Variants in IQSEC3 observed in about 807,000 individuals in gnomAD.
IQSEC3 encodes IQ motif and SEC7 domain-containing protein 3.
In IQSEC3, 50 loss-of-function variants were observed where a neutral mutation model predicts 105.4. The observed-to-expected ratio is 0.47, with a 90% CI of 0.38 to 0.60. The LOEUF (loss-of-function observed/expected upper bound fraction) is 0.60, where lower values mean the gene tolerates loss of function less well. Ranked by LOEUF, IQSEC3 falls within the 20% of genes least tolerant of loss-of-function variation. IQSEC3 has a pLI of 0.00. For missense variants in IQSEC3, 1,415 were observed against 1,630.0 expected, an observed-to-expected ratio of 0.87 and a Z score of 2.27; for synonymous variants, 708 against 746.0, an observed-to-expected ratio of 0.95 and a Z score of 0.83.
At chr12:107,691 T>C (rs547763405) in intron 2 of IQSEC3, among the ~76,000 whole-genome samples, 9 of 152,070 alleles carry the variant, frequency 5.9e-5, no homozygotes, top group Admixed American at 1.3e-4. Flanking sequence ...ATTACAGGCG[T>C]GAGCCACCGC....
intron 1 of IQSEC3, among the ~76,000 whole-genome samples, chr12:89,094 C>T (rs558392055): frequency 6.6e-6 from 1 of 152,142 alleles, no homozygotes; most frequent in Non-Finnish European, 1.5e-5. Flanking sequence ...TCTGCATCTC[C>T]AGCCCAGAGC....
intron 11 of IQSEC3, chr12:166,311 A>G: frequency 5.4e-6 from 1 of 184,788 alleles, no homozygotes; most frequent in Non-Finnish European, 1.1e-5. Flanking sequence ...TCATTTCTTC[A>G]CTCTCTTTTA....
At chr12:76,088 A>ACC (rs1555068977) in intron 1 of IQSEC3, among the ~76,000 whole-genome samples, 114 of 486 alleles carry the variant, frequency 0.23, 1 homozygote, top group Admixed American at 0.48. Context: ...GAGTTTCATC[A>ACC]CACACACACA....
At chr12:77,917 G>A (rs1863603123) in intron 1 of IQSEC3, among the ~76,000 whole-genome samples, 1 of 151,586 alleles carries the variant, frequency 6.6e-6, no homozygotes, top group Non-Finnish European at 1.5e-5. Flanking sequence ...CCGGCTGGCA[G>A]CCGGCAGGCG....
intron 2 of IQSEC3, among the ~76,000 whole-genome samples, chr12:103,493 CG>C (rs1180230486): frequency 9.1e-5 from 1 of 11,006 alleles, no homozygotes; most frequent in African/African-American, 3.7e-4. Flanking sequence ...AGGCGGGGCT[CG>C]GGGGGTAGGT....
At chr12:112,956 G>C (rs1864940578) in intron 2 of IQSEC3, among the ~76,000 whole-genome samples, 1 of 151,992 alleles carries the variant, frequency 6.6e-6, no homozygotes, top group South Asian at 2.1e-4. Context: ...AAACAAGGCA[G>C]TTTCAAAAAG....
At chr12:145,237 C>A (rs1313341327) in intron 5 of IQSEC3, among the ~76,000 whole-genome samples, 1 of 152,164 alleles carries the variant, frequency 6.6e-6, no homozygotes, top group South Asian at 2.1e-4. Context: ...ACATGAAGTG[C>A]CTGATGCTTA....
Position 111,372 on chromosome 12 carries a change from G to A in IQSEC3, c.623+12158G>A, listed in dbSNP as rs115855483. On this transcript the variant is annotated intron_variant, in intron 2 of 13. Coordinates refer to ENST00000538872, the MANE Select transcript of IQSEC3 (RefSeq NM_001170738.2). ...TGCTTTTCCTTGTCCCTGGTTTGAGGACTATCCCTTCAAACCTGCAGCATT... is the reference window on the plus strand; with the variant it reads ...TGCTTTTCCTTGTCCCTGGTTTGAGAACTATCCCTTCAAACCTGCAGCATT... Among the ~76,000 whole-genome samples the A allele has an allele frequency of 3.8e-3, 576 of 152,250 alleles. 2 individuals carry two copies. Among genetic ancestry groups the A allele is most frequent in the African/African-American group, 0.013 (548 of 41,520 alleles).
In IQSEC3 at chr12:157,682, C is replaced by T. The variant is rs782154054; in HGVS notation, c.2431C>T (p.Arg811Ter). The change falls in exon 7 of 14, where the codon CGA becomes TGA. Residue 811 changes from arginine (R) to a stop codon, truncating the protein, a stop_gained. Coordinates refer to ENST00000538872, the MANE Select transcript of IQSEC3 (RefSeq NM_001170738.2). LOFTEE classifies it high-confidence loss of function. ...GAAGATGATGCTGGAGGACTTCATC[C>T]GAAACCTTCGAGGTGAGGAGGTGGG... ...DRKMMLEDFI[R>*]NLRGVDDGAD... is the part of the protein sequence containing the mutation. The T allele has an allele frequency of 1.9e-6, 3 of 1,612,774 alleles. No homozygotes were observed. The highest frequency in any genetic ancestry group is 1.7e-6 in the Non-Finnish European group (2 of 1,179,188).
chr12:99,909 C>G (rs1422602208), intron 2 of IQSEC3, among the ~76,000 whole-genome samples: 1 of 152,206 alleles, frequency 6.6e-6, no homozygotes, highest in Non-Finnish European at 1.5e-5. Flanking sequence ...CGTTTCTCCT[C>G]TTCTGTGCCC....
chr12:146,585 G>T (rs550972054), intron 5 of IQSEC3, among the ~76,000 whole-genome samples: 2 of 152,250 alleles, frequency 1.3e-5, no homozygotes, highest in African/African-American at 4.8e-5. Context: ...GATGGAAACT[G>T]CAGTGAGTTG....
At chr12:111,280 G>A (rs1248191132) in intron 2 of IQSEC3, among the ~76,000 whole-genome samples, 1 of 152,152 alleles carries the variant, frequency 6.6e-6, no homozygotes, top group African/African-American at 2.4e-5. Context: ...CCAAACTCAG[G>A]CCAAAAGACC....
chr12:162,472 A>G (rs907880915), intron 8 of IQSEC3, among the ~76,000 whole-genome samples: 2 of 152,166 alleles, frequency 1.3e-5, no homozygotes, highest in African/African-American at 4.8e-5. Flanking sequence ...GATTTGTCCT[A>G]TTGGTAGTGA....
chr12:109,718 C>G (rs1244560952), intron 2 of IQSEC3, among the ~76,000 whole-genome samples: 1 of 152,146 alleles, frequency 6.6e-6, no homozygotes, highest in African/African-American at 2.4e-5. Flanking sequence ...TTCCCCCAGC[C>G]CTGCCAACCT....
chr12:73,918 C>T (rs1555068285), intron 1 of IQSEC3, among the ~76,000 whole-genome samples: 1 of 152,278 alleles, frequency 6.6e-6, no homozygotes, highest in Admixed American at 6.5e-5. Context: ...TGCTGTCTCA[C>T]AAATTTCTAG....
At chr12:149,726 G>A (rs1866430002) in intron 5 of IQSEC3, among the ~76,000 whole-genome samples, 1 of 152,202 alleles carries the variant, frequency 6.6e-6, no homozygotes, top group African/African-American at 2.4e-5. Context: ...GGACAACGGA[G>A]GTCAGGGAAG....
At chr12:156,869 A>T (rs2137038951) in intron 5 of IQSEC3, among the ~76,000 whole-genome samples, 156 bp from the exon 6 acceptor site, 1 of 152,010 alleles carries the variant, frequency 6.6e-6, no homozygotes, top group East Asian at 1.9e-4. Context: ...AGGTGGGAGG[A>T]GATGGTCCTC....
At position 152,255 on chromosome 12, in the gene IQSEC3, G is replaced by A. The variant is rs1387376293; in HGVS notation, c.2154-4770G>A. Among the ~76,000 whole-genome samples, 1 of 152,210 alleles carries A rather than the reference G, an allele frequency of 6.6e-6. No homozygotes were observed. Among genetic ancestry groups the A allele is most frequent in the Non-Finnish European group, 1.5e-5 (1 of 68,036 alleles). On this transcript the variant is annotated intron_variant, in intron 5 of 13. Transcript: ENST00000538872. This position sits in a 1 kb window ranked among gnomAD's most constrained non-coding sequence, Gnocchi z 4.8. ...TGCCCAGGCCAGCTCTGAACCTGCA[G>A]GGTGACCACAGAGCCCCCGTGCTGA...
chr12:157,672 G>C lies in IQSEC3; in HGVS notation c.2421G>C (p.Glu807Asp), dbSNP rs1218531837. 6.2e-7 allele frequency: 1 copy of C among 1,613,626 alleles called. No homozygotes were observed. Among genetic ancestry groups the C allele is most frequent in the African/African-American group, 1.3e-5 (1 of 74,926 alleles). Residue 807 changes from glutamate to aspartate, a missense_variant, in exon 7 of 14, where the codon GAG (glutamate) becomes GAC (aspartate). Physicochemically the swap from Glu to Asp is conservative, Grantham distance 45 (BLOSUM62 2). This residue lies in a region of IQSEC3 where 213 missense variants were observed against 306.2 expected (regional missense o/e 0.70). Transcript: ENST00000538872. ...NIKPDRKMML[E>D]DFIRNLRGVD... Reference sequence around the variant, plus strand: ...AGCCTGACCGGAAGATGATGCTGGAGGACTTCATCCGAAACCTTCGAGGTG... The same window carrying C: ...AGCCTGACCGGAAGATGATGCTGGACGACTTCATCCGAAACCTTCGAGGTG...
Sources: allele counts gnomAD v4.1 joint callset (sites outside exome capture counted in the v4.1 genomes callset), GRCh38; gene constraint gnomAD v4.1.1; regional missense constraint gnomAD v4.1.1; non-coding constraint Gnocchi (gnomAD v3.1); transcripts MANE v1.5; gene names NCBI Gene and HGNC (gene_info 2026-07-23, HGNC 2026-07-21).